Variants in NRXN1 observed in about 807,000 individuals in gnomAD.
The protein encoded by NRXN1 is neurexin-1.
Under a neutral mutation model 150.9 loss-of-function variants are expected in NRXN1, and 39 were observed. That is an observed-to-expected ratio of 0.26 (90% CI 0.20 to 0.34). The LOEUF (loss-of-function observed/expected upper bound fraction) is 0.34, where lower values mean the gene tolerates loss of function less well. Ranked by LOEUF, NRXN1 falls within the 10% of genes least tolerant of loss-of-function variation. The pLI is 1.00. For missense variants in NRXN1, 1,815 were observed against 1,949.9 expected (o/e 0.93, Z 1.30); for synonymous variants, 924 against 757.0 (o/e 1.22, Z -3.62).
At chr2:50,147,719 G>A (rs1050437140) in intron 18 of NRXN1, among the ~76,000 whole-genome samples, 7 of 151,772 alleles carry the variant, frequency 4.6e-5, no homozygotes, top group Admixed American at 2.0e-4. Context: ...CACTTAGTTA[G>A]ATTTGGCTTA....
intron 8 of NRXN1, among the ~76,000 whole-genome samples, chr2:50,590,281 T>C (rs1673930466): frequency 6.6e-6 from 1 of 152,192 alleles, no homozygotes; most frequent in African/African-American, 2.4e-5. Context: ...GCTGCTGTGG[T>C]TATGGAATGT....
chr2:50,725,638 A>C (rs1017311337), intron 5 of NRXN1, among the ~76,000 whole-genome samples: 3 of 152,214 alleles, frequency 2.0e-5, no homozygotes, highest in Admixed American at 6.5e-5. Context: ...GTACACATAG[A>C]AAATGCCCTT....
chr2:49,925,648 T>C (rs887703970), intron 22 of NRXN1, among the ~76,000 whole-genome samples: 4 of 152,178 alleles, frequency 2.6e-5, no homozygotes, highest in Admixed American at 6.5e-5. Context: ...CTCTACACTA[T>C]ATAATAAACT....
intron 5 of NRXN1, among the ~76,000 whole-genome samples, chr2:50,642,732 G>T (rs1684250151): frequency 6.6e-6 from 1 of 151,936 alleles, no homozygotes. Flanking sequence ...TAGTTTCAAT[G>T]TAAAAATATG....
chr2:50,408,836 AATCTCTCTCTCTCTCT>A (rs769065317), intron 17 of NRXN1, among the ~76,000 whole-genome samples: 283 of 57,236 alleles, frequency 4.9e-3, no homozygotes, highest in African/African-American at 0.015. Flanking sequence ...AATCAATCTC[AATCTCTCTCTCTCTCT>A]CTCTCTCTCT....
chr2:50,897,436 A>G (rs992644991), intron 5 of NRXN1, among the ~76,000 whole-genome samples: 1 of 152,110 alleles, frequency 6.6e-6, no homozygotes, highest in African/African-American at 2.4e-5. Flanking sequence ...TAACCAACAA[A>G]CCTCTACTAT....
chr2:50,906,018 A>C (rs1683619638), intron 5 of NRXN1, among the ~76,000 whole-genome samples: 1 of 152,132 alleles, frequency 6.6e-6, no homozygotes, highest in South Asian at 2.1e-4. Flanking sequence ...TGACCTGGCT[A>C]ATAGTACAGA....
chr2:49,954,163 T>C (rs1204735123), intron 21 of NRXN1, among the ~76,000 whole-genome samples: 2 of 152,160 alleles, frequency 1.3e-5, no homozygotes, highest in African/African-American at 4.8e-5. Flanking sequence ...AATCCTCTTG[T>C]CCCTCAGTTG....
At chr2:50,449,410 A>G (rs926836470) in intron 17 of NRXN1, among the ~76,000 whole-genome samples, 1 of 152,206 alleles carries the variant, frequency 6.6e-6, no homozygotes, top group African/African-American at 2.4e-5. Context: ...CATTTCCTTA[A>G]GTCGACTTAG....
intron 5 of NRXN1, among the ~76,000 whole-genome samples, chr2:50,690,343 G>T (rs1232378176): frequency 6.6e-6 from 1 of 152,112 alleles, no homozygotes; most frequent in Non-Finnish European, 1.5e-5. Flanking sequence ...CATAAATATG[G>T]ATTTGATGGC....
chr2:50,452,095 G>C (rs2087022162), intron 17 of NRXN1, among the ~76,000 whole-genome samples: 1 of 152,186 alleles, frequency 6.6e-6, no homozygotes, highest in African/African-American at 2.4e-5. Flanking sequence ...TAAATAAATA[G>C]CTACATAAAC....
chr2:50,070,536 C>T (rs1370876591), intron 19 of NRXN1, among the ~76,000 whole-genome samples: 15 of 151,828 alleles, frequency 9.9e-5, no homozygotes, highest in East Asian at 3.9e-4. Context: ...TTTGGGAGGC[C>T]GAGGCGGGCG....
chr2:50,731,555 T>A (rs1698117836), intron 5 of NRXN1, among the ~76,000 whole-genome samples: 1 of 152,114 alleles, frequency 6.6e-6, no homozygotes. Flanking sequence ...GCACCAATGA[T>A]CTAGAATGGT....
intron 21 of NRXN1, among the ~76,000 whole-genome samples, chr2:50,020,687 G>A (rs553318000): frequency 6.6e-6 from 1 of 152,164 alleles, no homozygotes; most frequent in Admixed American, 6.5e-5. Context: ...TTCAGGATTA[G>A]CCAGGTAGAG....
intron 12 of NRXN1, among the ~76,000 whole-genome samples, chr2:50,509,931 T>C (rs976493360): frequency 6.6e-6 from 1 of 152,028 alleles, no homozygotes; most frequent in Non-Finnish European, 1.5e-5. Context: ...CATGATGGGA[T>C]AGGGCCCTCA....
At chr2:50,105,525 T>G (rs1044949838) in intron 18 of NRXN1, among the ~76,000 whole-genome samples, 7 of 152,126 alleles carry the variant, frequency 4.6e-5, no homozygotes, top group Middle Eastern at 3.4e-3. Context: ...CCAACAGATT[T>G]ATTTAAATCA....
intron 18 of NRXN1, among the ~76,000 whole-genome samples, chr2:50,219,304 T>C (rs2063628191): frequency 1.3e-5 from 2 of 151,828 alleles, no homozygotes; most frequent in Admixed American, 1.3e-4. Context: ...TCTTTTTATG[T>C]ATCTCTTTTG....
chr2:50,582,478 CAAAAAAAAAAAAAAAAAA>C (rs56941425), intron 8 of NRXN1, among the ~76,000 whole-genome samples: 1 of 44,224 alleles, frequency 2.3e-5, no homozygotes, highest in African/African-American at 1.1e-4. Context: ...GACTCGTCTC[CAAAAAAAAAAAAAAAAAA>C]AAAAAAAATT....
chr2:50,882,473 T>C (rs566686918), intron 5 of NRXN1, among the ~76,000 whole-genome samples: 118 of 152,030 alleles, frequency 7.8e-4, no homozygotes, highest in African/African-American at 2.6e-3. Flanking sequence ...CCAGGTGACA[T>C]AGCTGGTGTA....
Sources: allele counts gnomAD v4.1 joint callset (sites outside exome capture counted in the v4.1 genomes callset), GRCh38; gene constraint gnomAD v4.1.1; transcripts MANE v1.5; gene names NCBI Gene and HGNC (gene_info 2026-07-23, HGNC 2026-07-21).